OPCML: variants seen among roughly 807,000 people sequenced by gnomAD.
OPCML encodes opioid binding protein/cell adhesion molecule like.
In OPCML, 13 loss-of-function variants were observed where a neutral mutation model predicts 37.8. The ratio of observed to expected loss-of-function variants is 0.34; its 90% CI spans 0.22 to 0.55. OPCML has a LOEUF of 0.55. OPCML is among the 20% of genes least tolerant of loss of function. The probability of loss-of-function intolerance (pLI) is 0.91; values close to 1 mark genes in which losing one functional copy is unlikely to be tolerated. For synonymous variants in OPCML, 176 were observed against 168.8 expected (o/e 1.04, Z -0.33); for missense variants, 341 against 435.6 (o/e 0.78, Z 1.93).
chr11:132,474,788 A>G (rs1029653814), intron 4 of OPCML, among the ~76,000 whole-genome samples: 3 of 152,146 alleles, frequency 2.0e-5, no homozygotes, highest in South Asian at 2.1e-4. Context: ...ACCAGGACAC[A>G]TATCTGGTTC....
At chr11:132,964,043 G>A (rs769648478) in intron 1 of OPCML, among the ~76,000 whole-genome samples, 10 of 152,156 alleles carry the variant, frequency 6.6e-5, no homozygotes, top group Non-Finnish European at 1.5e-4. Context: ...GAAGCCTCTG[G>A]AGGCTGGCAG....
intron 1 of OPCML, among the ~76,000 whole-genome samples, chr11:133,414,680 C>T (rs918676353): frequency 2.0e-5 from 3 of 152,136 alleles, no homozygotes; most frequent in Non-Finnish European, 4.4e-5. Context: ...GACAACTCCC[C>T]ATGAAACCCA....
chr11:132,560,962 T>C (rs1425974389), intron 3 of OPCML, among the ~76,000 whole-genome samples: 1 of 152,206 alleles, frequency 6.6e-6, no homozygotes, highest in Non-Finnish European at 1.5e-5. Flanking sequence ...GCATTTGCCT[T>C]TGGGTTCTTG....
chr11:133,013,597 G>A (rs1286050438), intron 1 of OPCML, among the ~76,000 whole-genome samples: 2 of 152,162 alleles, frequency 1.3e-5, no homozygotes, highest in Non-Finnish European at 2.9e-5. Context: ...TACCACTCTG[G>A]TTTGTAATGT....
At chr11:132,671,059 C>T (rs1453461822) in intron 2 of OPCML, among the ~76,000 whole-genome samples, 1 of 152,056 alleles carries the variant, frequency 6.6e-6, no homozygotes, top group Non-Finnish European at 1.5e-5. Flanking sequence ...TCATCCTGTG[C>T]CATCCTGAAC....
chr11:132,799,587 A>T (rs2136199253), intron 2 of OPCML, among the ~76,000 whole-genome samples: 1 of 152,306 alleles, frequency 6.6e-6, no homozygotes, highest in East Asian at 1.9e-4. Context: ...GATCTCCATA[A>T]CAGATCCAAT....
intron 2 of OPCML, among the ~76,000 whole-genome samples, chr11:132,939,951 T>A (rs1945523420): frequency 6.6e-6 from 1 of 152,198 alleles, no homozygotes; most frequent in Non-Finnish European, 1.5e-5. Flanking sequence ...GCACCTTCAT[T>A]TTCCATATCA....
At chr11:132,502,260 C>T (rs1177744737) in intron 4 of OPCML, among the ~76,000 whole-genome samples, 1 of 152,204 alleles carries the variant, frequency 6.6e-6, no homozygotes. Context: ...CTCCACCCAT[C>T]TTGTTGTCTT....
Position 133,211,543 on chromosome 11 carries a change from A to T in OPCML, c.62-268533T>A, listed in dbSNP as rs1939358718. ...CAGAGGAGGGGCTTTGAAAACTTGA[A>T]CACTTCCGAAGGTTCTGTAACTATG... is the stretch of plus-strand genomic sequence containing the variant. On this transcript the variant is annotated intron_variant, in intron 1 of 7. Transcript: ENST00000524381. This position sits in a 1 kb window ranked among gnomAD's most constrained non-coding sequence, Gnocchi z 4.1. Among the ~76,000 whole-genome samples, 1 of 152,128 alleles carries T rather than the reference A, an allele frequency of 6.6e-6. No individual in the cohort carries two copies.
rs980523792 is a variant in OPCML, at chr11:133,504,579, C to T, written c.61+27685G>A. Among the ~76,000 whole-genome samples the T allele has an allele frequency of 6.6e-5, 10 of 152,142 alleles. No homozygotes were observed. In the East Asian group the frequency reaches 1.4e-3, roughly 21 times the overall value. On this transcript the variant is annotated intron_variant, in intron 1 of 7. Coordinates refer to ENST00000524381, the MANE Select transcript of OPCML (RefSeq NM_001012393.5). ...CTGAGATCTGATTAATTGTGCCAAC[C>T]GCACCTACTGGACAGAGCCAGCCAC...
At chr11:132,839,800 C>T (rs186891893) in intron 2 of OPCML, among the ~76,000 whole-genome samples, 8 of 152,266 alleles carry the variant, frequency 5.3e-5, no homozygotes, top group Middle Eastern at 3.4e-3. Context: ...TCTGATGGTT[C>T]CAAGACAGAA....
intron 1 of OPCML, among the ~76,000 whole-genome samples, chr11:133,198,514 G>A (rs547649150): frequency 6.6e-6 from 1 of 152,360 alleles, no homozygotes; most frequent in South Asian, 2.1e-4. Context: ...GAAAGAGCCG[G>A]AAATGAGAAG....
At chr11:132,552,241 A>G (rs879780653) in intron 3 of OPCML, among the ~76,000 whole-genome samples, 8 of 152,222 alleles carry the variant, frequency 5.3e-5, no homozygotes, top group Admixed American at 3.3e-4. Flanking sequence ...AAATAAATCA[A>G]TAAATAAAGT....
At chr11:133,243,693 G>A (rs1320057123) in intron 1 of OPCML, among the ~76,000 whole-genome samples, 1 of 152,196 alleles carries the variant, frequency 6.6e-6, no homozygotes, top group East Asian at 1.9e-4. Context: ...TTTTTGCAGG[G>A]GATCTGGGAG....
chr11:132,800,457 G>A (rs1938577614), intron 2 of OPCML, among the ~76,000 whole-genome samples: 1 of 152,144 alleles, frequency 6.6e-6, no homozygotes. Flanking sequence ...GTTGAATGGA[G>A]GTGGTGAGAG....
chr11:132,898,659 A>C (rs1437850789), intron 2 of OPCML, among the ~76,000 whole-genome samples: 1 of 152,208 alleles, frequency 6.6e-6, no homozygotes, highest in African/African-American at 2.4e-5. Flanking sequence ...ACATGGAGTC[A>C]GGAATCACAG....
intron 1 of OPCML, among the ~76,000 whole-genome samples, chr11:133,415,922 C>T (rs762330904): frequency 6.6e-6 from 1 of 152,186 alleles, no homozygotes; most frequent in Non-Finnish European, 1.5e-5. Context: ...AAACAGAAGC[C>T]TCAGTCTTGA....
intron 1 of OPCML, among the ~76,000 whole-genome samples, chr11:133,333,931 A>G (rs528697436): frequency 1.3e-5 from 2 of 152,330 alleles, no homozygotes; most frequent in South Asian, 4.1e-4. Context: ...GCAAATCAAA[A>G]CCACAGTGAG....
intron 7 of OPCML, among the ~76,000 whole-genome samples, chr11:132,422,931 GACGTT>G (rs2095964991): frequency 6.6e-6 from 1 of 152,234 alleles, no homozygotes; most frequent in Admixed American, 6.5e-5. Flanking sequence ...CTAGCTGAGT[GACGTT>G]CCCTCTCCGG....
Sources: gnomAD v4.1 joint callset for allele counts (sites outside exome capture counted in the v4.1 genomes callset) on GRCh38, gnomAD v4.1.1 for gene constraint, Gnocchi (gnomAD v3.1) non-coding constraint, MANE v1.5 for transcripts, NCBI Gene and HGNC (gene_info 2026-07-23, HGNC 2026-07-21) for gene names.